EPHA3: variants seen among roughly 807,000 people sequenced by gnomAD.
EPHA3 encodes ephrin type-A receptor 3.
In EPHA3, 42 loss-of-function variants were observed where a neutral mutation model predicts 107.1. That is an observed-to-expected ratio of 0.39 (90% CI 0.31 to 0.51). EPHA3 has a LOEUF of 0.51. EPHA3 is among the 20% of genes least tolerant of loss of function. The pLI, the probability that EPHA3 is intolerant of heterozygous loss-of-function variation, is 0.78. For synonymous variants in EPHA3, 461 were observed against 424.8 expected, an observed-to-expected ratio of 1.09 and a Z score of -1.05; for missense variants, 1,183 against 1,211.2, an observed-to-expected ratio of 0.98 and a Z score of 0.35.
chr3:89,366,184 C>T (rs528572512), intron 5 of EPHA3, among the ~76,000 whole-genome samples: 4 of 150,598 alleles, frequency 2.7e-5, no homozygotes, highest in African/African-American at 9.7e-5. Context: ...AGAACCAATA[C>T]ATTCATCAGT....
intron 3 of EPHA3, among the ~76,000 whole-genome samples, chr3:89,327,818 A>G (rs1302098896): frequency 2.0e-5 from 3 of 152,030 alleles, no homozygotes; most frequent in Non-Finnish European, 4.4e-5. Flanking sequence ...ATATCTGTAA[A>G]TGCCATAAAC....
At chr3:89,250,878 G>T (rs1275722228) in intron 3 of EPHA3, among the ~76,000 whole-genome samples, 6 of 152,094 alleles carry the variant, frequency 3.9e-5, no homozygotes, top group Admixed American at 3.9e-4. Context: ...ATGAATGCTT[G>T]GTGATATCTT....
chr3:89,419,850 A>G (rs1478578457), intron 11 of EPHA3, among the ~76,000 whole-genome samples: 1 of 151,332 alleles, frequency 6.6e-6, no homozygotes, highest in Non-Finnish European at 1.5e-5. Flanking sequence ...TTGGGAGTCT[A>G]GGAAATGCTT....
At chr3:89,188,097 A>G (rs1279234564) in intron 2 of EPHA3, among the ~76,000 whole-genome samples, 2 of 152,286 alleles carry the variant, frequency 1.3e-5, no homozygotes, top group East Asian at 3.9e-4. Flanking sequence ...GTTTTTATTT[A>G]TTTTGTGATT....
At chr3:89,427,365 C>A (rs1157770599) in intron 11 of EPHA3, among the ~76,000 whole-genome samples, 2 of 151,534 alleles carry the variant, frequency 1.3e-5, no homozygotes, top group African/African-American at 4.8e-5. Context: ...AGGAAAAAAT[C>A]AAGAAAAGGA....
intron 3 of EPHA3, among the ~76,000 whole-genome samples, chr3:89,248,297 T>A (rs548140346): frequency 2.0e-5 from 3 of 152,290 alleles, no homozygotes; most frequent in Admixed American, 1.3e-4. Flanking sequence ...TCATCTTTCC[T>A]GAGCTATCTG....
intron 3 of EPHA3, among the ~76,000 whole-genome samples, chr3:89,339,100 C>T (rs538011552): frequency 3.3e-5 from 5 of 152,206 alleles, no homozygotes; most frequent in East Asian, 3.9e-4. Context: ...CGGCCTGTGG[C>T]GGTGACTCAC....
intron 2 of EPHA3, among the ~76,000 whole-genome samples, chr3:89,187,182 T>A (rs1705586629): frequency 6.8e-6 from 1 of 147,948 alleles, no homozygotes; most frequent in Admixed American, 6.8e-5. Context: ...ATAAAAGCCC[T>A]TTCTTATTAC....
chr3:89,134,464 G>C, intron 2 of EPHA3, among the ~76,000 whole-genome samples: 1 of 151,998 alleles, frequency 6.6e-6, no homozygotes, highest in Non-Finnish European at 1.5e-5. Context: ...GAGAACGTGC[G>C]ATGTTTGGTT....
chr3:89,441,122 G>A (rs955522775), intron 13 of EPHA3, among the ~76,000 whole-genome samples: 2 of 152,180 alleles, frequency 1.3e-5, no homozygotes, highest in Non-Finnish European at 2.9e-5. Flanking sequence ...AAACAGGAAG[G>A]TCAAAACTGA....
intron 10 of EPHA3, among the ~76,000 whole-genome samples, chr3:89,415,222 G>T (rs1709222553): frequency 6.6e-6 from 1 of 150,922 alleles, no homozygotes; most frequent in African/African-American, 2.4e-5. Context: ...AAATTAAATA[G>T]TGTAATAATA....
At chr3:89,357,196 A>C (rs763823830) in intron 5 of EPHA3, among the ~76,000 whole-genome samples, 68 of 149,520 alleles carry the variant, frequency 4.5e-4, no homozygotes, top group East Asian at 1.2e-3. Flanking sequence ...TACGGGAAGA[A>C]ACCAGGTGGC....
chr3:89,385,543 C>A (rs559791303), intron 5 of EPHA3, among the ~76,000 whole-genome samples: 8 of 152,160 alleles, frequency 5.3e-5, no homozygotes, highest in Non-Finnish European at 8.8e-5. Flanking sequence ...TTCCTGAGGC[C>A]TCCCTAGTCC....
Position 89,273,454 on chromosome 3 carries a change from A to G in EPHA3, c.814+62934A>G, listed in dbSNP as rs541377007. Among the ~76,000 whole-genome samples the G allele has an allele frequency of 3.0e-4, 46 of 152,072 alleles. 1 individual carries two copies. Among genetic ancestry groups the G allele is most frequent in the African/African-American group, 1.0e-3 (43 of 41,556 alleles). ...GCCCATTTCCATCAGTCTTATTTGC[A>G]CAATCTAACTTCGAAGAGAGTTTTT... On this transcript the variant is annotated intron_variant, in intron 3 of 16. Coordinates refer to ENST00000336596, the MANE Select transcript of EPHA3 (RefSeq NM_005233.6).
intron 2 of EPHA3, among the ~76,000 whole-genome samples, chr3:89,146,709 T>C (rs1302896003): frequency 1.2e-4 from 18 of 152,038 alleles, no homozygotes; most frequent in African/African-American, 4.1e-4. Context: ...AGTCATGAAG[T>C]CTTTGCCCAT....
chr3:89,301,989 A>T (rs531004564), intron 3 of EPHA3, among the ~76,000 whole-genome samples: 2 of 152,280 alleles, frequency 1.3e-5, no homozygotes, highest in South Asian at 4.1e-4. Context: ...AAATGTGGCT[A>T]CCTCACTGCC....
At chr3:89,151,789 T>C (rs1467708527) in intron 2 of EPHA3, among the ~76,000 whole-genome samples, 1 of 151,958 alleles carries the variant, frequency 6.6e-6, no homozygotes, top group Non-Finnish European at 1.5e-5. Flanking sequence ...ATAGAAATAA[T>C]AGAAATAAAA....
At position 89,367,777 on chromosome 3, in the gene EPHA3, T is replaced by C. The variant is rs540128800; in HGVS notation, c.1306+25687T>C. Among the ~76,000 whole-genome samples, 257 of 150,756 alleles carry C rather than the reference T, an allele frequency of 1.7e-3. 5 individuals carry two copies. Among genetic ancestry groups the C allele is most frequent in the African/African-American group, 5.6e-3 (230 of 41,326 alleles). On this transcript the variant is annotated intron_variant, in intron 5 of 16. Transcript: ENST00000336596. ...CTATATGCATGTGTTTAAAATTTTT[T>C]AATTCTGCAAGACTCAGACTAAGTG...
At chr3:89,322,669 A>G (rs566262028) in intron 3 of EPHA3, among the ~76,000 whole-genome samples, 2 of 152,188 alleles carry the variant, frequency 1.3e-5, no homozygotes, top group East Asian at 3.9e-4. Context: ...GGAAGAGTGT[A>G]CCTATATAAA....
Sources: allele counts gnomAD v4.1 joint callset (sites outside exome capture counted in the v4.1 genomes callset), GRCh38; gene constraint gnomAD v4.1.1; transcripts MANE v1.5; gene names NCBI Gene and HGNC (gene_info 2026-07-23, HGNC 2026-07-21).